The following GRIN2A variants were observed in gnomAD, a reference collection of about 807,000 sequenced individuals.
GRIN2A encodes the protein glutamate receptor ionotropic, NMDA 2A.
A neutral mutation model predicts 113.4 loss-of-function variants in GRIN2A; 22 were observed. The ratio of observed to expected loss-of-function variants is 0.19; its 90% confidence interval spans 0.14 to 0.28. The LOEUF (loss-of-function observed/expected upper bound fraction) is 0.28. GRIN2A is among the 10% of genes least tolerant of loss of function. The pLI is 1.00. For missense variants in GRIN2A, 1,502 were observed against 1,887.0 expected (o/e 0.80, Z 3.78); for synonymous variants, 827 against 738.4 (o/e 1.12, Z -1.94).
chr16:9,792,740 C>CACA (rs1441282842), intron 11 of GRIN2A, among the ~76,000 whole-genome samples: 4 of 151,884 alleles, frequency 2.6e-5, no homozygotes, highest in African/African-American at 7.3e-5. Flanking sequence ...AAAATAAATC[C>CACA]ACAACCATTA....
chr16:9,966,829 C>T (rs2045564590), intron 2 of GRIN2A, among the ~76,000 whole-genome samples: 1 of 152,172 alleles, frequency 6.6e-6, no homozygotes, highest in Non-Finnish European at 1.5e-5. Flanking sequence ...CAGTAGGATG[C>T]ATATGGGCCT....
intron 3 of GRIN2A, among the ~76,000 whole-genome samples, chr16:9,915,111 T>C (rs781023663): frequency 5.3e-5 from 8 of 151,114 alleles, no homozygotes; most frequent in Non-Finnish European, 1.0e-4. Context: ...TAATTTTTTG[T>C]ATTTTTAGTA....
intron 2 of GRIN2A, among the ~76,000 whole-genome samples, chr16:10,094,396 A>AT (rs780842268): frequency 6.6e-6 from 1 of 151,778 alleles, no homozygotes; most frequent in Non-Finnish European, 1.5e-5. Flanking sequence ...ACATGAGGGG[A>AT]TTTTTTTAGA....
In GRIN2A at chr16:9,777,527, CA is replaced by C. The variant is rs1796811017; in HGVS notation, c.2357-8439del. ...ATTTCTGTATAATGCTGAGAAGTCA[CA>C]AAACCAAAATAAAAATAGGGCTAGG... On this transcript the variant is annotated intron_variant, in intron 11 of 12. Coordinates refer to ENST00000330684, the MANE Select transcript of GRIN2A (RefSeq NM_001134407.3). Among the ~76,000 whole-genome samples the C allele has an allele frequency of 5.3e-5, 8 of 152,314 alleles. No individual in the cohort carries two copies. The South Asian group carries it at 1.7e-3, about 32-fold the overall frequency.
intron 10 of GRIN2A, among the ~76,000 whole-genome samples, chr16:9,810,572 A>C (rs911603381): frequency 6.6e-6 from 1 of 152,262 alleles, no homozygotes; most frequent in African/African-American, 2.4e-5. Context: ...CAAGGGAAGA[A>C]GGTCACCTGG....
intron 7 of GRIN2A, among the ~76,000 whole-genome samples, chr16:9,840,446 G>C (rs980572864): frequency 5.3e-5 from 8 of 152,004 alleles, no homozygotes; most frequent in Non-Finnish European, 7.4e-5. Context: ...CAACAGCTGG[G>C]GATTACAATT....
At position 10,144,999 on chromosome 16, in the gene GRIN2A, TA is replaced by T. The variant is rs1230248888; in HGVS notation, c.414+34998del. Among the ~76,000 whole-genome samples, 293 of 123,248 alleles carry T rather than the reference TA, an allele frequency of 2.4e-3. 1 individual carries two copies. Among genetic ancestry groups the T allele is most frequent in the Middle Eastern group, 0.012 (3 of 246 alleles). 80.9% of individuals were successfully genotyped at this position (123,248 alleles called of 152,430 possible). A position where few individuals can be genotyped will look rare whatever the true frequency, so the allele number is the denominator to read the frequency against. On this transcript the variant is annotated intron_variant, in intron 2 of 12. Coordinates refer to ENST00000330684, the MANE Select transcript of GRIN2A (RefSeq NM_001134407.3). Reference sequence around the variant, plus strand: ...TTATACAATGGAAAATTGTTCAACCTAAAAAAAAAAAGAAAAAAAAGTCCGC... The same window carrying T: ...TTATACAATGGAAAATTGTTCAACCTAAAAAAAAAAGAAAAAAAAGTCCGC...
chr16:10,071,450 A>C (rs1381313738), intron 2 of GRIN2A, among the ~76,000 whole-genome samples: 1 of 152,328 alleles, frequency 6.6e-6, no homozygotes, highest in South Asian at 2.1e-4. Flanking sequence ...GAATTTGGGC[A>C]TGTATCTCTT....
intron 2 of GRIN2A, among the ~76,000 whole-genome samples, chr16:10,050,332 T>C (rs2047335925): frequency 6.6e-6 from 1 of 152,146 alleles, no homozygotes; most frequent in Non-Finnish European, 1.5e-5. Context: ...TATTAGGAAC[T>C]GGGCCACACA....
At chr16:9,903,037 C>T (rs1423270975) in intron 3 of GRIN2A, among the ~76,000 whole-genome samples, 5 of 148,074 alleles carry the variant, frequency 3.4e-5, no homozygotes, top group African/African-American at 1.2e-4. Flanking sequence ...GGTACGATCT[C>T]GGCTCATTGC....
intron 2 of GRIN2A, among the ~76,000 whole-genome samples, chr16:10,139,486 T>A (rs986353576): frequency 2.0e-5 from 3 of 152,220 alleles, no homozygotes; most frequent in African/African-American, 7.2e-5. Flanking sequence ...AGATTCCAGT[T>A]GTCTGTCTGT....
intron 2 of GRIN2A, among the ~76,000 whole-genome samples, chr16:10,087,852 A>T (rs950863463): frequency 1.2e-5 from 1 of 80,548 alleles, no homozygotes; most frequent in Non-Finnish European, 2.6e-5. Context: ...ATGCCCAGCT[A>T]ATTTTTTTTT....
At chr16:9,904,121 G>C (rs1335415927) in intron 3 of GRIN2A, among the ~76,000 whole-genome samples, 2 of 152,232 alleles carry the variant, frequency 1.3e-5, no homozygotes, top group Admixed American at 1.3e-4. Flanking sequence ...TCACTTCTGT[G>C]TCAATGGGGG....
rs2042847551 is a variant in GRIN2A, at chr16:9,849,753, C to T, written c.1328+3G>A. On this transcript the variant is annotated splice_donor_region_variant and intron_variant, in intron 5 of 12. Transcript: ENST00000330684. ...TTCAGGTGACAGCATTCCTGCCACTCACTTGATTTTGACGAACTTCCGACA... is the reference window on the plus strand; with the variant it reads ...TTCAGGTGACAGCATTCCTGCCACTTACTTGATTTTGACGAACTTCCGACA... 6.2e-7 allele frequency: 1 copy of T among 1,611,966 alleles called. No homozygotes were observed. The highest frequency in any genetic ancestry group is 1.3e-5 in the African/African-American group (1 of 75,000).
chr16:9,822,069 C>A (rs1333783611), intron 10 of GRIN2A, among the ~76,000 whole-genome samples, 195 bp downstream of exon 10: 1 of 152,138 alleles, frequency 6.6e-6, no homozygotes, highest in African/African-American at 2.4e-5. Context: ...TTTGCTTTTT[C>A]TTCACCCAAC....
chr16:9,889,766 T>C (rs540733290), intron 4 of GRIN2A, among the ~76,000 whole-genome samples: 1 of 152,310 alleles, frequency 6.6e-6, no homozygotes, highest in East Asian at 1.9e-4. Context: ...TTTCTAGATA[T>C]ATTTTTGTTA....
chr16:9,926,284 C>G (rs1263475677), intron 3 of GRIN2A, among the ~76,000 whole-genome samples: 2 of 152,148 alleles, frequency 1.3e-5, no homozygotes, highest in Non-Finnish European at 2.9e-5. Context: ...ACCAGACACA[C>G]CCAGCTGTAA....
chr16:9,905,676 G>C (rs2044012924), intron 3 of GRIN2A, among the ~76,000 whole-genome samples: 1 of 152,098 alleles, frequency 6.6e-6, no homozygotes, highest in Admixed American at 6.5e-5. Flanking sequence ...TATACAATAA[G>C]CCCGGATCTT....
At chr16:10,148,658 A>G (rs925159825) in intron 2 of GRIN2A, among the ~76,000 whole-genome samples, 1 of 152,196 alleles carries the variant, frequency 6.6e-6, no homozygotes, top group African/African-American at 2.4e-5. Context: ...CACGTTAACT[A>G]TACCATATTA....
Sources: allele counts gnomAD v4.1 joint callset (sites outside exome capture counted in the v4.1 genomes callset), GRCh38; gene constraint gnomAD v4.1.1; transcripts MANE v1.5; gene names NCBI Gene and HGNC (gene_info 2026-07-23, HGNC 2026-07-21).